The following ABCA13 variants were observed in gnomAD, a reference collection of about 807,000 sequenced individuals.
ABCA13 encodes the protein ATP-binding cassette sub-family A member 13.
Under a neutral mutation model 478.7 loss-of-function variants are expected in ABCA13, and 476 were observed. The ratio of observed to expected loss-of-function variants is 0.99; its 90% CI spans 0.92 to 1.07. The LOEUF is 1.07. Among genes scored for constraint, ABCA13 ranks in the 50% least tolerant of loss-of-function variants. The pLI is 0.00. For synonymous variants in ABCA13, 2,252 were observed against 2,158.9 expected (o/e 1.04, Z -1.20); for missense variants, 6,060 against 5,910.6 (o/e 1.03, Z -0.83).
At chr7:48,627,077 A>T in intron 59 of ABCA13, 1 of 982,628 alleles carries the variant, frequency 1.0e-6, no homozygotes, top group Non-Finnish European at 1.2e-6. Context: ...TTATTACTAA[A>T]TATAGGCAAT....
In ABCA13 at chr7:48,193,051, T is replaced by A. The variant is rs1244662733; in HGVS notation, c.162T>A (p.Ile54=). ...AAGAACCTCCCAGATACAGAGACAT[T>A]TGTAAGTTTCACTTTTTAATATACT... ...RFQEPPRYRD[I]CYLQPRDLPS... The change falls in exon 2 of 62, where the codon ATT becomes ATA. Residue 54 remains isoleucine, a splice_region_variant and synonymous_variant. Transcript: ENST00000435803. 7 of 1,529,932 alleles carry A rather than the reference T, an allele frequency of 4.6e-6. No homozygotes were observed. The South Asian group carries it at 8.5e-5, about 19-fold the overall frequency. 94.8% of individuals were successfully genotyped at this position (1,529,932 alleles called of 1,614,324 possible).
intron 23 of ABCA13, among the ~76,000 whole-genome samples, chr7:48,309,033 G>GCA (rs10523187): frequency 0.14 from 19,954 of 137,988 alleles, 1,671 homozygotes; most frequent in East Asian, 0.33. Context: ...ACACATGACT[G>GCA]CACACACACA....
At chr7:48,567,955 A>G (rs906004438) in intron 55 of ABCA13, among the ~76,000 whole-genome samples, 2 of 152,146 alleles carry the variant, frequency 1.3e-5, no homozygotes, top group Non-Finnish European at 2.9e-5. Context: ...CAATACGTAT[A>G]TGAATGAAAT....
intron 35 of ABCA13, among the ~76,000 whole-genome samples, chr7:48,381,079 C>A (rs952889762): frequency 6.6e-6 from 1 of 152,138 alleles, no homozygotes; most frequent in African/African-American, 2.4e-5. Context: ...ATTCCCACAG[C>A]ACCCCTCCCT....
chr7:48,264,281 A>G (rs905823328), intron 15 of ABCA13, among the ~76,000 whole-genome samples: 4 of 151,890 alleles, frequency 2.6e-5, no homozygotes, highest in Admixed American at 2.0e-4. Context: ...TTGTTTGGAA[A>G]TATACTTTCT....
At chr7:48,203,101 G>A (rs377730020) in intron 3 of ABCA13, among the ~76,000 whole-genome samples, 1 of 152,218 alleles carries the variant, frequency 6.6e-6, no homozygotes, top group Non-Finnish European at 1.5e-5. Context: ...GCGCAGCGCC[G>A]GTGGGCCGGC....
At chr7:48,291,588 T>G (rs963135432) in intron 20 of ABCA13, among the ~76,000 whole-genome samples, 1 of 152,140 alleles carries the variant, frequency 6.6e-6, no homozygotes, top group African/African-American at 2.4e-5. Flanking sequence ...TGCCATGCAA[T>G]GTCCGCTTCT....
At chr7:48,402,209 G>A (rs959947859) in intron 38 of ABCA13, among the ~76,000 whole-genome samples, 7 of 152,194 alleles carry the variant, frequency 4.6e-5, no homozygotes, top group Non-Finnish European at 7.3e-5. Context: ...AAATGAAGAA[G>A]GAGGGGTTTG....
intron 41 of ABCA13, among the ~76,000 whole-genome samples, chr7:48,423,982 G>T (rs1385541305): frequency 6.6e-6 from 1 of 152,078 alleles, no homozygotes; most frequent in Non-Finnish European, 1.5e-5. Context: ...GGTCTTATTT[G>T]GTCCATTTGA....
intron 59 of ABCA13, among the ~76,000 whole-genome samples, chr7:48,633,935 G>GATAGATAGATACATAGATAGATAGATAC (rs200820625): frequency 1.8e-3 from 129 of 72,350 alleles, no homozygotes; most frequent in African/African-American, 6.9e-3. Flanking sequence ...TAGATACATA[G>GATAGATAGATACATAGATAGATAGATAC]ATAGATAGAT....
intron 3 of ABCA13, among the ~76,000 whole-genome samples, chr7:48,202,184 C>G (rs879331039): frequency 6.6e-6 from 1 of 151,512 alleles, no homozygotes; most frequent in African/African-American, 2.4e-5. Flanking sequence ...AGTGGCTTGC[C>G]GCTGCTGGCT....
intron 39 of ABCA13, among the ~76,000 whole-genome samples, chr7:48,405,812 A>G (rs1818187571): frequency 6.6e-6 from 1 of 152,082 alleles, no homozygotes; most frequent in African/African-American, 2.4e-5. Context: ...CTGTTGTTAC[A>G]AACCAAATAT....
chr7:48,193,723 A>G (rs1365944607), intron 2 of ABCA13, among the ~76,000 whole-genome samples: 1 of 98,180 alleles, frequency 1.0e-5, no homozygotes, highest in Non-Finnish European at 2.2e-5. Context: ...AATAGTAATG[A>G]TGAAGATGAT....
At chr7:48,172,570 C>T (rs940843196) in intron 1 of ABCA13, among the ~76,000 whole-genome samples, 3 of 151,800 alleles carry the variant, frequency 2.0e-5, no homozygotes, top group South Asian at 2.1e-4. Context: ...CCGAGGCGGG[C>T]GGATCACGAG....
At chr7:48,365,752 C>T (rs1293774659) in intron 31 of ABCA13, among the ~76,000 whole-genome samples, 1 of 151,990 alleles carries the variant, frequency 6.6e-6, no homozygotes, top group African/African-American at 2.4e-5. Context: ...TATTTGTGTT[C>T]TTTATTCTGT....
At chr7:48,259,417 G>A (rs1028938230) in intron 15 of ABCA13, among the ~76,000 whole-genome samples, 3 of 151,968 alleles carry the variant, frequency 2.0e-5, no homozygotes, top group Non-Finnish European at 2.9e-5. Context: ...GCAAACTATA[G>A]CAAGCCCTGC....
chr7:48,499,037 C>T (rs542759848), intron 48 of ABCA13, among the ~76,000 whole-genome samples: 1 of 152,102 alleles, frequency 6.6e-6, no homozygotes, highest in Non-Finnish European at 1.5e-5. Context: ...GTGATTACTT[C>T]TGATTGGTTT....
intron 1 of ABCA13, among the ~76,000 whole-genome samples, chr7:48,178,389 T>C (rs886892635): frequency 2.0e-5 from 3 of 152,076 alleles, no homozygotes; most frequent in Admixed American, 6.6e-5. Context: ...AATGTGAGAA[T>C]AGTGGCCGGG....
chr7:48,330,485 G>GTCCATCCATCCATCCATCCA, intron 27 of ABCA13, among the ~76,000 whole-genome samples: 1 of 134,854 alleles, frequency 7.4e-6, no homozygotes, highest in Non-Finnish European at 1.6e-5. Context: ...CCATCCATCC[G>GTCCATCCATCCATCCATCCA]TCCATCCATC....
Sources: gnomAD v4.1 joint callset for allele counts (sites outside exome capture counted in the v4.1 genomes callset) on GRCh38, gnomAD v4.1.1 for gene constraint, MANE v1.5 for transcripts, NCBI Gene and HGNC (gene_info 2026-07-23, HGNC 2026-07-21) for gene names.